Variants in SLCO1C1 observed in about 807,000 individuals in gnomAD.
SLCO1C1 encodes the protein solute carrier organic anion transporter family member 1C1, also known as OAT-RP-5.
Under a neutral mutation model 76.4 loss-of-function variants are expected in SLCO1C1, and 70 were observed. The ratio of observed to expected loss-of-function variants is 0.92; its 90% CI spans 0.76 to 1.12. SLCO1C1 has a LOEUF of 1.12. Among genes scored for constraint, SLCO1C1 ranks in the 50% most tolerant of loss-of-function variants. SLCO1C1 has a pLI of 0.00. For synonymous variants in SLCO1C1, 306 were observed against 286.1 expected (o/e 1.07, Z -0.70); for missense variants, 912 against 823.8 (o/e 1.11, Z -1.31).
chr12:20,750,447 C>T (rs1949246189), intron 13 of SLCO1C1, among the ~76,000 whole-genome samples: 1 of 152,008 alleles, frequency 6.6e-6, no homozygotes, highest in Non-Finnish European at 1.5e-5. Context: ...GTTTGAAGTG[C>T]CTGAGTGACA....
At chr12:20,719,468 A>T (rs1310562921) in intron 7 of SLCO1C1, among the ~76,000 whole-genome samples, 3 of 152,200 alleles carry the variant, frequency 2.0e-5, no homozygotes, top group Non-Finnish European at 4.4e-5. Context: ...AAGACAGGCA[A>T]AAATCTAGGC....
In SLCO1C1 at chr12:20,719,722, A is replaced by G. The variant is rs569453788; in HGVS notation, c.776-2082A>G. Reference sequence around the variant, plus strand: ...GAAAGAGATGAGGAAGCTGCAGAAGAAAAGTTTGAAGCTGGCGCAAACAGG... The same window carrying G: ...GAAAGAGATGAGGAAGCTGCAGAAGGAAAGTTTGAAGCTGGCGCAAACAGG... On this transcript the variant is annotated intron_variant, in intron 7 of 14. Transcript: ENST00000266509. Among the ~76,000 whole-genome samples the G allele has an allele frequency of 7.2e-5, 11 of 152,360 alleles. No homozygotes were observed. The East Asian group carries it at 1.9e-3, about 27-fold the overall frequency.
chr12:20,711,602 C>T (rs571421252), intron 5 of SLCO1C1, 92 bp downstream of exon 5: 3 of 1,371,102 alleles, frequency 2.2e-6, no homozygotes, highest in Admixed American at 2.4e-5. Flanking sequence ...ATGATTTTTG[C>T]TCCCAAAAGC....
At chr12:20,715,993 T>G (rs569880893) in intron 6 of SLCO1C1, among the ~76,000 whole-genome samples, 26 of 152,298 alleles carry the variant, frequency 1.7e-4, no homozygotes, top group African/African-American at 6.3e-4. Flanking sequence ...TTTTTAACTG[T>G]TATTTTACCC....
chr12:20,699,614 G>C lies in SLCO1C1; in HGVS notation c.38G>C (p.Cys13Ser). 4 of 1,612,168 alleles carry C rather than the reference G, an allele frequency of 2.5e-6. No individual in the cohort carries two copies. Among genetic ancestry groups the C allele is most frequent in the Non-Finnish European group, 3.4e-6 (4 of 1,178,990 alleles). Residue 13 changes from cysteine to serine, a missense_variant, in exon 2 of 15, where the codon TGC (cysteine) becomes TCC (serine). Transcript: ENST00000266509. ...TCCAAAGAAAATATCCAGTTGTTCT[G>C]CAAAACTTCAGTGCAACCTGTTGGA... The part of the protein sequence containing the change: ...TSSKENIQLF[C>S]KTSVQPVGRP...
At chr12:20,723,067 T>C (rs2120760223) in intron 8 of SLCO1C1, 23 bp from the exon 9 acceptor site, 1 of 1,597,120 alleles carries the variant, frequency 6.3e-7, no homozygotes, top group East Asian at 2.2e-5. Flanking sequence ...CTTTAATTAG[T>C]CTATGTTATT....
intron 11 of SLCO1C1, among the ~76,000 whole-genome samples, chr12:20,739,246 C>T (rs1287973136): frequency 1.3e-5 from 2 of 152,014 alleles, no homozygotes; most frequent in African/African-American, 4.8e-5. Context: ...AACAAAGCAG[C>T]AGTTTCTGCT....
chr12:20,732,406 C>T (rs1027389463), intron 9 of SLCO1C1, among the ~76,000 whole-genome samples: 32 of 152,132 alleles, frequency 2.1e-4, no homozygotes, highest in East Asian at 3.9e-4. Context: ...GTGGCTGGTA[C>T]GTTATAGGCA....
chr12:20,713,997 T>C (rs983615261), intron 5 of SLCO1C1, among the ~76,000 whole-genome samples: 3 of 152,166 alleles, frequency 2.0e-5, no homozygotes, highest in African/African-American at 7.2e-5. Context: ...GGAATTCATA[T>C]CATATTTTTG....
At position 20,734,354 on chromosome 12, in the gene SLCO1C1, G is replaced by C. The variant is rs559411307; in HGVS notation, c.1382+1250G>C. Among the ~76,000 whole-genome samples, 187 of 152,304 alleles carry C rather than the reference G, an allele frequency of 1.2e-3. 4 individuals carry two copies. In the South Asian group the frequency reaches 0.017, roughly 13 times the overall value. Reference sequence around the variant, plus strand: ...CAGCTGAGTGTAGTGCTGCCTTAGTGAAAGTCAGTGATATGGATTAAGAAT... The same window carrying C: ...CAGCTGAGTGTAGTGCTGCCTTAGTCAAAGTCAGTGATATGGATTAAGAAT... On this transcript the variant is annotated intron_variant, in intron 10 of 14. Coordinates refer to ENST00000266509, the MANE Select transcript of SLCO1C1 (RefSeq NM_017435.5).
In SLCO1C1 at chr12:20,740,247, G is replaced by A. The variant is rs780834878; in HGVS notation, c.1612G>A (p.Val538Met). Residue 538 changes from valine (V) to methionine (M), a missense_variant, in exon 12 of 15, where the codon GTG (valine) becomes ATG (methionine). Transcript: ENST00000266509. The stretch of plus-strand genomic sequence containing the variant: ...TAAATCCGGAAATTCCTCAGGCATA[G>A]TGGGAAGATGTCAGAAAGACAATGG... The part of the protein sequence containing the change: ...ASKSGNSSGI[V>M]GRCQKDNGCP... 1 of 1,613,944 alleles carries A rather than the reference G, an allele frequency of 6.2e-7. No homozygotes were observed. Among genetic ancestry groups the A allele is most frequent in the Admixed American group, 1.7e-5 (1 of 59,982 alleles).
intron 10 of SLCO1C1, among the ~76,000 whole-genome samples, chr12:20,736,860 C>T (rs1948570141): frequency 6.6e-6 from 1 of 152,082 alleles, no homozygotes; most frequent in Non-Finnish European, 1.5e-5. Flanking sequence ...AGACTGAAAG[C>T]TATAAGCTAA....
chr12:20,696,110 G>C (rs7309037), intron 1 of SLCO1C1, among the ~76,000 whole-genome samples: 8,568 of 152,164 alleles, frequency 0.056, 726 homozygotes, highest in African/African-American at 0.19. Flanking sequence ...TTGTTGGGTT[G>C]TTTTAAGGAT....
In SLCO1C1 at chr12:20,701,291, CTAAG is replaced by C. The variant is rs774428283; in HGVS notation, c.130-25_130-22del. 4.1e-6 allele frequency: 6 copies of C among 1,464,252 alleles called. No homozygotes were observed. In the East Asian group the frequency reaches 9.6e-5, roughly 24 times the overall value. The allele number at this position is 1,464,252 out of a possible 1,614,324, so 90.7% of individuals were successfully genotyped here. A position where few individuals can be genotyped will look rare whatever the true frequency, so the allele number is the denominator to read the frequency against. On this transcript the variant is annotated intron_variant, in intron 2 of 14. Coordinates refer to ENST00000266509, the MANE Select transcript of SLCO1C1 (RefSeq NM_017435.5). ...AATTGTGTGTCAAGCTGGAGTCAGA[CTAAG>C]TGTGACCTGTCATATTTTCCAGGTG...
chr12:20,722,053 A>G lies in SLCO1C1; in HGVS notation c.1021+4A>G. The G allele has an allele frequency of 6.2e-7, 1 of 1,609,368 alleles. No individual in the cohort carries two copies. The highest frequency in any genetic ancestry group is 8.5e-7 in the Non-Finnish European group (1 of 1,177,986). On this transcript the variant is annotated splice_donor_region_variant and intron_variant, in intron 8 of 14. Coordinates refer to ENST00000266509, the MANE Select transcript of SLCO1C1 (RefSeq NM_017435.5). ...AAAATAATGGAAATGGCAAGAGGTA[A>G]GTCAAATTCTTGATTTTGAAGTATT...
chr12:20,711,451 A>T lies in SLCO1C1; in HGVS notation c.470A>T (p.Glu157Val), dbSNP rs759572348. The T allele has an allele frequency of 6.2e-7, 1 of 1,613,944 alleles. No individual in the cohort carries two copies. The highest frequency in any genetic ancestry group is 1.3e-5 in the African/African-American group (1 of 74,926). The change falls in exon 5 of 15, where the codon GAG becomes GTG. Residue 157 changes from glutamate to valine, a missense_variant. Glu to Val is a moderately radical substitution (Grantham distance 121, BLOSUM62 -2). Transcript: ENST00000266509. Reference protein sequence around the residue: ...STLSISPCLLESSSQLPVSVM... With the variant: ...STLSISPCLLVSSSQLPVSVM... ...CTCAGCATCTCTCCGTGTCTCCTAG[A>T]GTCAAGCAGTCAATTACCAGTTTCA...
Position 20,723,176 on chromosome 12 carries a change from T to G in SLCO1C1, c.1108T>G (p.Phe370Val). The G allele has an allele frequency of 7.4e-6, 12 of 1,614,222 alleles. No individual in the cohort carries two copies. The highest frequency in any genetic ancestry group is 1.0e-5 in the Non-Finnish European group (12 of 1,180,030). Reference protein sequence around the residue: ...CTSTVQFNSLFGMVTYKPKYI... With the variant: ...CTSTVQFNSLVGMVTYKPKYI... ...AAGCACTGTTCAGTTCAATTCTCTG[T>G]TCGGCATGGTGACGTACAAACCAAA... The change falls in exon 9 of 15, where the codon TTC becomes GTC. Residue 370 changes from phenylalanine to valine, a missense_variant. Coordinates refer to ENST00000266509, the MANE Select transcript of SLCO1C1 (RefSeq NM_017435.5).
At position 20,752,159 on chromosome 12, in the gene SLCO1C1, C is replaced by T. The variant is rs188688700; in HGVS notation, c.1917-147C>T. ...TATTTTATAAACTGCCTTCAACAGT[C>T]TGTCAGTATTTCATAAAACAGTCTT... On this transcript the variant is annotated intron_variant, in intron 14 of 14. Coordinates refer to ENST00000266509, the MANE Select transcript of SLCO1C1 (RefSeq NM_017435.5). The T allele has an allele frequency of 3.9e-5, 20 of 519,380 alleles. No homozygotes were observed. In the East Asian group the frequency reaches 5.8e-4, roughly 15 times the overall value. The allele number at this position is 519,380 out of a possible 1,614,324, so 32.2% of individuals were successfully genotyped here.
intron 1 of SLCO1C1, among the ~76,000 whole-genome samples, chr12:20,699,193 T>C (rs1391120062): frequency 2.0e-5 from 3 of 152,054 alleles, no homozygotes; most frequent in African/African-American, 7.2e-5. Flanking sequence ...ATTCAAATAG[T>C]TGAATTCCTC....
Sources: allele counts gnomAD v4.1 joint callset (sites outside exome capture counted in the v4.1 genomes callset), GRCh38; gene constraint gnomAD v4.1.1; transcripts MANE v1.5; gene names NCBI Gene and HGNC (gene_info 2026-07-23, HGNC 2026-07-21).